DYRK2: variants seen among roughly 807,000 people sequenced by gnomAD.
DYRK2 encodes dual specificity tyrosine-phosphorylation-regulated kinase 2.
A neutral mutation model predicts 41.6 loss-of-function variants in DYRK2; 12 were observed. The ratio of observed to expected loss-of-function variants is 0.29; its 90% confidence interval spans 0.18 to 0.47. The LOEUF (loss-of-function observed/expected upper bound fraction) is 0.47. Among genes scored for constraint, DYRK2 ranks in the 20% least tolerant of loss-of-function variants. The pLI is 1.00. For missense variants in DYRK2, 678 were observed against 798.4 expected, an observed-to-expected ratio of 0.85 and a Z score of 1.82; for synonymous variants, 322 against 315.7, an observed-to-expected ratio of 1.02 and a Z score of -0.21.
intron 2 of DYRK2, chr12:67,652,493 T>C (rs1872349000): frequency 6.6e-6 from 1 of 152,182 alleles, no homozygotes; most frequent in African/African-American, 2.4e-5. Context: ...CATTTTTCTT[T>C]CTGACAGGGC....
intron 2 of DYRK2, chr12:67,651,591 AT>A (rs1313344359): frequency 4.4e-6 from 2 of 455,888 alleles, no homozygotes; most frequent in African/African-American, 4.0e-5. Flanking sequence ...CATATGCCAG[AT>A]TTACTTGTTT....
Position 67,660,312 on chromosome 12 carries a change from G to A in DYRK2, c.*1599G>A, listed in dbSNP as rs1386146324. ...AAAGCGTGGTCCCCAGTGAGGCCAA[G>A]AAAGTTTCCGGTTAAGTTCTTTAAT... On this transcript the variant is annotated 3_prime_UTR_variant, in exon 3 of 3. Coordinates refer to ENST00000344096, the MANE Select transcript of DYRK2 (RefSeq NM_006482.3). The A allele has an allele frequency of 6.0e-6, 1 of 165,896 alleles. No homozygotes were observed. Among genetic ancestry groups the A allele is most frequent in the Non-Finnish European group, 1.5e-5 (1 of 67,896 alleles). 10.3% of individuals were successfully genotyped at this position (165,896 alleles called of 1,614,324 possible).
chr12:67,657,480 C>T lies in DYRK2; in HGVS notation c.573C>T (p.Arg191=). The change falls in exon 3 of 3, where the codon CGC becomes CGT. Residue 191 remains arginine, a synonymous_variant. Transcript: ENST00000344096. The surrounding 1 kb of genome is among the most constrained non-coding windows in gnomAD (Gnocchi z 4.8). ...TCTTGGGTCTAAATGCTAAGAAGCG[C>T]CAGGGCATGACAGGTGGGCCCAACA... ...IYFLGLNAKK[R]QGMTGGPNNG... 2.5e-6 allele frequency: 4 copies of T among 1,614,130 alleles called. No homozygotes were observed. The highest frequency in any genetic ancestry group is 3.4e-6 in the Non-Finnish European group (4 of 1,180,012).
chr12:67,656,309 C>T (rs1290418271), intron 2 of DYRK2, among the ~76,000 whole-genome samples: 1 of 152,182 alleles, frequency 6.6e-6, no homozygotes, highest in Non-Finnish European at 1.5e-5. Flanking sequence ...ATTTGGAAAT[C>T]TGAGTATCCC....
Position 67,661,164 on chromosome 12 carries a change from T to C in DYRK2, c.*2451T>C, listed in dbSNP as rs919800557. On this transcript the variant is annotated 3_prime_UTR_variant, in exon 3 of 3. Transcript: ENST00000344096. Reference sequence around the variant, plus strand: ...CACAAGAGCTGCCACATCTCAGCATTTAGTAATAGAGCTGCTTTAATAAAA... The same window carrying C: ...CACAAGAGCTGCCACATCTCAGCATCTAGTAATAGAGCTGCTTTAATAAAA... 1 of 166,860 alleles carries C rather than the reference T, an allele frequency of 6.0e-6. No individual in the cohort carries two copies. The highest frequency in any genetic ancestry group is 6.5e-5 in the Admixed American group (1 of 15,276). The allele number at this position is 166,860 out of a possible 1,614,324, so 10.3% of individuals were successfully genotyped here. A position where few individuals can be genotyped will look rare whatever the true frequency, so the allele number is the denominator to read the frequency against.
At chr12:67,651,776 A>G (rs1458646708) in intron 2 of DYRK2, 1 of 345,392 alleles carries the variant, frequency 2.9e-6, no homozygotes, top group Non-Finnish European at 5.6e-6. Context: ...TATTCTTTCA[A>G]TTTATAGATG....
chr12:67,649,120 C>T lies in DYRK2; in HGVS notation c.-14C>T, dbSNP rs931411373. On this transcript the variant is annotated 5_prime_UTR_variant, in exon 1 of 3. Transcript: ENST00000344096. The stretch of plus-strand genomic sequence containing the variant: ...CGACGGCAGCCCTGAAATGCATTTT[C>T]CTCTCCAGCGGCCATGTTAACCAGG... 3.3e-6 allele frequency: 5 copies of T among 1,507,960 alleles called. No individual in the cohort carries two copies. The highest frequency in any genetic ancestry group is 2.5e-5 in the South Asian group (2 of 81,208). 93.4% of individuals were successfully genotyped at this position (1,507,960 alleles called of 1,614,324 possible).
At chr12:67,656,410 GGGCTGAAT>G (rs772609360) in intron 2 of DYRK2, among the ~76,000 whole-genome samples, 13 of 152,150 alleles carry the variant, frequency 8.5e-5, no homozygotes, top group Non-Finnish European at 1.5e-4. Context: ...TTGGTTTGTT[GGGCTGAAT>G]GCCTTAAATG....
At chr12:67,651,181 T>C (rs1396498676) in intron 2 of DYRK2, among the ~76,000 whole-genome samples, 1 of 152,192 alleles carries the variant, frequency 6.6e-6, no homozygotes, top group Admixed American at 6.5e-5. Context: ...TGTTGGACTG[T>C]GGATGGTATA....
At chr12:67,651,238 G>A (rs1872313263) in intron 2 of DYRK2, among the ~76,000 whole-genome samples, 1 of 152,196 alleles carries the variant, frequency 6.6e-6, no homozygotes, top group African/African-American at 2.4e-5. Flanking sequence ...TCTTGTCACA[G>A]TGATATTTAA....
Position 67,658,427 on chromosome 12 carries a change from T to C in DYRK2, c.1520T>C (p.Leu507Pro). Residue 507 changes from leucine (L) to proline (P), a missense_variant, in exon 3 of 3, where the codon CTT (leucine) becomes CCT (proline). Leu to Pro is a moderately conservative substitution (Grantham distance 98). This residue lies in a region of DYRK2 where 393 missense variants were observed against 519.1 expected (regional missense o/e 0.76). Coordinates refer to ENST00000344096, the MANE Select transcript of DYRK2 (RefSeq NM_006482.3). This position sits in a 1 kb window ranked among gnomAD's most constrained non-coding sequence, Gnocchi z 4.3. ...GCGCTGAAGGGGTGTGATGATCCCC[T>C]TTTCCTTGACTTCTTAAAACAGTGT... ...GNALKGCDDP[L>P]FLDFLKQCLE... 1 of 1,591,134 alleles carries C rather than the reference T, an allele frequency of 6.3e-7. No individual in the cohort carries two copies. Among genetic ancestry groups the C allele is most frequent in the South Asian group, 1.2e-5 (1 of 86,858 alleles).
Position 67,657,333 on chromosome 12 carries a change from C to A in DYRK2, c.426C>A (p.Ser142=). ...RRQGSSTSLK[S]MEGMGKVKAT... The stretch of plus-strand genomic sequence containing the variant: ...AGGGGAGCTCCACCTCTCTAAAGTC[C>A]ATGGAAGGCATGGGGAAGGTGAAAG... The change falls in exon 3 of 3, where the codon TCC becomes TCA. Residue 142 remains serine, a synonymous_variant. Transcript: ENST00000344096. This position sits in a 1 kb window ranked among gnomAD's most constrained non-coding sequence, Gnocchi z 4.8. 1 of 1,614,018 alleles carries A rather than the reference C, an allele frequency of 6.2e-7. No homozygotes were observed. Among genetic ancestry groups the A allele is most frequent in the Non-Finnish European group, 8.5e-7 (1 of 1,179,978 alleles).
intron 2 of DYRK2, among the ~76,000 whole-genome samples, chr12:67,650,822 A>G (rs191449145): frequency 1.1e-4 from 16 of 152,072 alleles, no homozygotes; most frequent in African/African-American, 3.1e-4. Flanking sequence ...TTTTTTTCCC[A>G]ATTGGATTTT....
rs1872544024 is a variant in DYRK2, at chr12:67,658,467, T to C, written c.1560T>C (p.Pro520=). 6.2e-7 allele frequency: 1 copy of C among 1,601,222 alleles called. No homozygotes were observed. The highest frequency in any genetic ancestry group is 8.5e-7 in the Non-Finnish European group (1 of 1,174,182). ...TAAAACAGTGTTTAGAGTGGGATCC[T>C]GCAGTGCGCATGACCCCAGGCCAGG... ...DFLKQCLEWD[P]AVRMTPGQAL... Residue 520 remains proline, a synonymous_variant, in exon 3 of 3, where the codon CCT becomes CCC. Transcript: ENST00000344096. This position sits in a 1 kb window ranked among gnomAD's most constrained non-coding sequence, Gnocchi z 4.3.
intron 2 of DYRK2, among the ~76,000 whole-genome samples, chr12:67,650,195 C>T (rs1037319301): frequency 6.6e-6 from 1 of 152,252 alleles, no homozygotes; most frequent in African/African-American, 2.4e-5. Context: ...CCCATGACCT[C>T]CTCTTCCTAG....
Position 67,657,960 on chromosome 12 carries a change from C to T in DYRK2, c.1053C>T (p.Pro351=), listed in dbSNP as rs762603987. Residue 351 remains proline (P), a synonymous_variant, in exon 3 of 3, where the codon CCC becomes CCT. Transcript: ENST00000344096. The surrounding 1 kb of genome is among the most constrained non-coding windows in gnomAD (Gnocchi z 4.8). ...GAATAATTCACTGTGACCTTAAGCCCGAGAACATTTTGTTAAAGCAGCAGG... is the reference window on the plus strand; with the variant it reads ...GAATAATTCACTGTGACCTTAAGCCTGAGAACATTTTGTTAAAGCAGCAGG... ...KNRIIHCDLK[P]ENILLKQQGR... is the part of the protein sequence containing the mutation. 20 of 1,614,088 alleles carry T rather than the reference C, an allele frequency of 1.2e-5. No homozygotes were observed. Among genetic ancestry groups the T allele is most frequent in the Admixed American group, 1.7e-5 (1 of 60,002 alleles).
chr12:67,657,840 C>T lies in DYRK2; in HGVS notation c.933C>T (p.Leu311=). ...FELLSMNLYE[L]IKKNKFQGFS... ...TGCTGAGCATGAACCTCTATGAGCT[C>T]ATCAAGAAGAATAAATTCCAGGGCT... Residue 311 remains leucine, a synonymous_variant, in exon 3 of 3, where the codon CTC becomes CTT. Transcript: ENST00000344096. The surrounding 1 kb of genome is among the most constrained non-coding windows in gnomAD (Gnocchi z 4.8). The T allele has an allele frequency of 1.2e-6, 2 of 1,614,100 alleles. No homozygotes were observed. The highest frequency in any genetic ancestry group is 2.2e-5 in the East Asian group (1 of 44,892).
chr12:67,656,684 C>T (rs1011848366), intron 2 of DYRK2, among the ~76,000 whole-genome samples: 8 of 152,076 alleles, frequency 5.3e-5, no homozygotes, highest in Non-Finnish European at 1.2e-4. Context: ...TCCCTGTCTT[C>T]ATGTTAATAA....
At chr12:67,654,955 C>T (rs994761141) in intron 2 of DYRK2, among the ~76,000 whole-genome samples, 3 of 152,076 alleles carry the variant, frequency 2.0e-5, no homozygotes, top group African/African-American at 4.8e-5. Flanking sequence ...CCAAGAGAAT[C>T]GAGATTTGAA....
Sources: allele counts gnomAD v4.1 joint callset (sites outside exome capture counted in the v4.1 genomes callset), GRCh38; gene constraint gnomAD v4.1.1; regional missense constraint gnomAD v4.1.1; non-coding constraint Gnocchi (gnomAD v3.1); transcripts MANE v1.5; gene names NCBI Gene and HGNC (gene_info 2026-07-23, HGNC 2026-07-21).